The following CCDC85C variants were observed in gnomAD, a reference collection of about 807,000 sequenced individuals.
CCDC85C encodes coiled-coil domain-containing protein 85C.
Under a neutral mutation model 38.3 loss-of-function variants are expected in CCDC85C, and 18 were observed. The observed-to-expected ratio is 0.47, with a 90% CI of 0.33 to 0.70. The LOEUF (loss-of-function observed/expected upper bound fraction) is 0.70, where lower values mean the gene tolerates loss of function less well. Ranked by LOEUF, CCDC85C falls within the 30% of genes least tolerant of loss-of-function variation. The pLI is 0.03. For missense variants in CCDC85C, 566 were observed against 621.2 expected, an observed-to-expected ratio of 0.91 and a Z score of 0.94; for synonymous variants, 264 against 293.8, an observed-to-expected ratio of 0.90 and a Z score of 1.04.
chr14:99,537,487 C>A (rs541509557), intron 1 of CCDC85C, among the ~76,000 whole-genome samples: 17 of 152,134 alleles, frequency 1.1e-4, no homozygotes, highest in Non-Finnish European at 2.2e-4. Context: ...AGCCCTGGAC[C>A]AGGCCTAGGG....
chr14:99,540,755 A>G (rs534618167), intron 1 of CCDC85C, among the ~76,000 whole-genome samples: 3 of 152,250 alleles, frequency 2.0e-5, no homozygotes, highest in Admixed American at 2.0e-4. Context: ...CAGGAGCCAG[A>G]CCTAAGCTCC....
chr14:99,522,246 G>T lies in CCDC85C; in HGVS notation c.868-6C>A, dbSNP rs766411845. On this transcript the variant is annotated splice_polypyrimidine_tract_variant and splice_region_variant and intron_variant, in intron 2 of 5. Transcript: ENST00000380243. ...AACTCTCCGGAGCCTGCCTGCTGCA[G>T]GGGAGAGAAGGAGAGGGGTTAGACG... 6.5e-7 allele frequency: 1 copy of T among 1,543,102 alleles called. No homozygotes were observed.
In CCDC85C at chr14:99,502,645, C is replaced by G. The variant is rs1566751511; in HGVS notation, c.*12601G>C. ...TTAGGTCCTCGTAGGGGTATCATAACTGATTCTTTATCCAGGTAAAATTTT... is the reference window on the plus strand; with the variant it reads ...TTAGGTCCTCGTAGGGGTATCATAAGTGATTCTTTATCCAGGTAAAATTTT... On this transcript the variant is annotated 3_prime_UTR_variant, in exon 6 of 6. Coordinates refer to ENST00000380243, the MANE Select transcript of CCDC85C (RefSeq NM_001144995.2). 7.0e-7 allele frequency: 1 copy of G among 1,436,284 alleles called. No homozygotes were observed. The highest frequency in any genetic ancestry group is 9.7e-7 in the Non-Finnish European group (1 of 1,034,692). 89.0% of individuals were successfully genotyped at this position (1,436,284 alleles called of 1,614,324 possible). A position where few individuals can be genotyped will look rare whatever the true frequency, so the allele number is the denominator to read the frequency against.
intron 4 of CCDC85C, 54 bp downstream of exon 4, chr14:99,517,026 CCACAGTCT>C: frequency 6.9e-7 from 1 of 1,457,672 alleles, no homozygotes; most frequent in Non-Finnish European, 9.4e-7. Context: ...TGCAAAGGTC[CCACAGTCT>C]CACAGTGCAC....
chr14:99,526,936 T>A (rs190914965), intron 2 of CCDC85C, among the ~76,000 whole-genome samples: 43 of 152,158 alleles, frequency 2.8e-4, no homozygotes, highest in Admixed American at 1.1e-3. Context: ...TGGGCTCCAC[T>A]GTCCGGCCCC....
rs372621841 is a variant in CCDC85C at position 99,522,261 on chromosome 14, G to A, written c.868-21C>T. 9.9e-6 allele frequency: 15 copies of A among 1,519,686 alleles called. No individual in the cohort carries two copies. The African/African-American group carries it at 1.9e-4, about 20-fold the overall frequency. The allele number at this position is 1,519,686 out of a possible 1,614,324, so 94.1% of individuals were successfully genotyped here. On this transcript the variant is annotated intron_variant, in intron 2 of 5. Coordinates refer to ENST00000380243, the MANE Select transcript of CCDC85C (RefSeq NM_001144995.2). Reference sequence around the variant, plus strand: ...GCCTGCTGCAGGGGAGAGAAGGAGAGGGGTTAGACGGAGGGCCAGGCTGAG... The same window carrying A: ...GCCTGCTGCAGGGGAGAGAAGGAGAAGGGTTAGACGGAGGGCCAGGCTGAG...
At chr14:99,575,277 G>A (rs1204665338) in intron 1 of CCDC85C, among the ~76,000 whole-genome samples, 1 of 152,188 alleles carries the variant, frequency 6.6e-6, no homozygotes, top group Non-Finnish European at 1.5e-5. Flanking sequence ...GGAGTGCCAA[G>A]GCCCTCAGGA....
chr14:99,509,950 C>T lies in CCDC85C; in HGVS notation c.*5296G>A. The T allele has an allele frequency of 3.3e-6, 2 of 605,812 alleles. No homozygotes were observed. Among genetic ancestry groups the T allele is most frequent in the Non-Finnish European group, 5.8e-6 (2 of 344,502 alleles). 37.5% of individuals were successfully genotyped at this position (605,812 alleles called of 1,614,324 possible). A position where few individuals can be genotyped will look rare whatever the true frequency, so the allele number is the denominator to read the frequency against. The stretch of plus-strand genomic sequence containing the variant: ...AGGGAGGGAAAACCCCAGGTCGTCG[C>T]AGACAGGGTGGAGGGCCTTCTTGAC... On this transcript the variant is annotated 3_prime_UTR_variant, in exon 6 of 6. Coordinates refer to ENST00000380243, the MANE Select transcript of CCDC85C (RefSeq NM_001144995.2).
At chr14:99,542,451 C>T (rs1046967070) in intron 1 of CCDC85C, among the ~76,000 whole-genome samples, 7 of 152,198 alleles carry the variant, frequency 4.6e-5, no homozygotes, top group Non-Finnish European at 8.8e-5. Context: ...GAACAGCAAT[C>T]GTGTGGCTTA....
At position 99,501,089 on chromosome 14, in the gene CCDC85C, G is replaced by A. The variant is rs1202287998; in HGVS notation, c.*14157C>T. ...CATCCAGTTGCCAAGTGATGGGAGA[G>A]GCAGGAAAATGAGGCAGAATTTTTT... is the stretch of plus-strand genomic sequence containing the variant. On this transcript the variant is annotated 3_prime_UTR_variant, in exon 6 of 6. Coordinates refer to ENST00000380243, the MANE Select transcript of CCDC85C (RefSeq NM_001144995.2). The A allele has an allele frequency of 5.0e-6, 3 of 600,168 alleles. No individual in the cohort carries two copies. The highest frequency in any genetic ancestry group is 3.7e-5 in the African/African-American group (2 of 53,430). The allele number at this position is 600,168 out of a possible 1,614,324, so 37.2% of individuals were successfully genotyped here.
chr14:99,552,774 C>T (rs1897936495), intron 1 of CCDC85C, among the ~76,000 whole-genome samples: 1 of 152,254 alleles, frequency 6.6e-6, no homozygotes, highest in South Asian at 2.1e-4. Flanking sequence ...GCCCTTTGGA[C>T]CCAAGGTTCT....
At position 99,589,146 on chromosome 14, in the gene CCDC85C, G is replaced by C. The variant is rs11847063; in HGVS notation, c.793+14021C>G. Among the ~76,000 whole-genome samples, 1,469 of 151,838 alleles carry C rather than the reference G, an allele frequency of 9.7e-3. 20 individuals carry two copies. Among genetic ancestry groups the C allele is most frequent in the African/African-American group, 0.034 (1,401 of 41,364 alleles). ...CAGGCAGGGGTGAGCACAGAGCCAC[G>C]GCCCAGATCAACAGAGTGAGCCCTG... On this transcript the variant is annotated intron_variant, in intron 1 of 5. Transcript: ENST00000380243.
At position 99,500,972 on chromosome 14, in the gene CCDC85C, T is replaced by A. The variant is rs141211780; in HGVS notation, c.*14274A>T. ...CTTCTCAAAAGCGGAAAACAAAGTT[T>A]GATGTGTGAAATACCAAGGGCATGG... On this transcript the variant is annotated 3_prime_UTR_variant, in exon 6 of 6. Coordinates refer to ENST00000380243, the MANE Select transcript of CCDC85C (RefSeq NM_001144995.2). 3.1e-4 allele frequency: 235 copies of A among 759,652 alleles called. 1 individual carries two copies. The African/African-American group carries it at 3.6e-3, about 12-fold the overall frequency. 47.1% of individuals were successfully genotyped at this position (759,652 alleles called of 1,614,324 possible). A position where few individuals can be genotyped will look rare whatever the true frequency, so the allele number is the denominator to read the frequency against.
intron 1 of CCDC85C, among the ~76,000 whole-genome samples, chr14:99,570,120 T>C (rs114563557): frequency 3.2e-3 from 487 of 151,866 alleles, no homozygotes; most frequent in African/African-American, 0.011. Flanking sequence ...GGCAGGGGCA[T>C]CCACGCGCAG....
intron 1 of CCDC85C, among the ~76,000 whole-genome samples, chr14:99,554,108 C>T (rs1237659607): frequency 2.6e-5 from 4 of 152,164 alleles, no homozygotes; most frequent in Non-Finnish European, 5.9e-5. Context: ...TGCTTTCCTG[C>T]CTGAACTCTC....
At position 99,603,875 on chromosome 14, in the gene CCDC85C, C is replaced by T. The variant is rs562587953; in HGVS notation, c.85G>A (p.Glu29Lys). The T allele has an allele frequency of 2.0e-6, 3 of 1,513,374 alleles. No individual in the cohort carries two copies. Among genetic ancestry groups the T allele is most frequent in the Admixed American group, 2.0e-5 (1 of 49,058 alleles). 93.7% of individuals were successfully genotyped at this position (1,513,374 alleles called of 1,614,324 possible). ...CGCCGCAGCCGCCGCGCCAGCTCCTCCTTGCTCCAGCGCAGCAGCTCCTCG... is the reference window on the plus strand; with the variant it reads ...CGCCGCAGCCGCCGCGCCAGCTCCTTCTTGCTCCAGCGCAGCAGCTCCTCG... Reference protein sequence around the residue: ...PDEELLRWSKEELARRLRRAE... With the variant: ...PDEELLRWSKKELARRLRRAE... Residue 29 changes from glutamate to lysine, a missense_variant, in exon 1 of 6, where the codon GAG becomes AAG. Coordinates refer to ENST00000380243, the MANE Select transcript of CCDC85C (RefSeq NM_001144995.2). The surrounding 1 kb of genome is among the most constrained non-coding windows in gnomAD (Gnocchi z 7.5).
At chr14:99,565,066 G>C (rs1399008356) in intron 1 of CCDC85C, among the ~76,000 whole-genome samples, 1 of 152,212 alleles carries the variant, frequency 6.6e-6, no homozygotes, top group Non-Finnish European at 1.5e-5. Flanking sequence ...CCAGGCGGCT[G>C]CACTTGGCTT....
Position 99,603,089 on chromosome 14 carries a change from A to G in CCDC85C, c.793+78T>C. The G allele has an allele frequency of 7.8e-7, 1 of 1,274,260 alleles. No homozygotes were observed. Among genetic ancestry groups the G allele is most frequent in the Non-Finnish European group, 9.9e-7 (1 of 1,009,784 alleles). 78.9% of individuals were successfully genotyped at this position (1,274,260 alleles called of 1,614,324 possible). On this transcript the variant is annotated intron_variant, in intron 1 of 5. Transcript: ENST00000380243. The surrounding 1 kb of genome is among the most constrained non-coding windows in gnomAD (Gnocchi z 7.5). ...GGCCGCATGAGTGGGACAGCCAGGG[A>G]CCACCTCCTCTCGCCGCAGCCTGGG...
chr14:99,520,637 C>G lies in CCDC85C; in HGVS notation c.975+1496G>C, dbSNP rs1198207804. Among the ~76,000 whole-genome samples the G allele has an allele frequency of 2.3e-4, 35 of 152,258 alleles. No individual in the cohort carries two copies. Among genetic ancestry groups the G allele is most frequent in the Non-Finnish European group, 5.9e-5 (4 of 68,014 alleles). ...CCAGCCCTGATCATGGCCCCTGAAC[C>G]TCAGTTTATCACCCGGCCTCCTGGC... On this transcript the variant is annotated intron_variant, in intron 3 of 5. Coordinates refer to ENST00000380243, the MANE Select transcript of CCDC85C (RefSeq NM_001144995.2). This position sits in a 1 kb window ranked among gnomAD's most constrained non-coding sequence, Gnocchi z 4.1.
Sources: allele counts gnomAD v4.1 joint callset (sites outside exome capture counted in the v4.1 genomes callset), GRCh38; gene constraint gnomAD v4.1.1; non-coding constraint Gnocchi (gnomAD v3.1); transcripts MANE v1.5; gene names NCBI Gene and HGNC (gene_info 2026-07-23, HGNC 2026-07-21).